Variants in STXBP5L observed in about 807,000 individuals in gnomAD.
STXBP5L encodes the protein syntaxin-binding protein 5-like.
In STXBP5L, 65 loss-of-function variants were observed where a neutral mutation model predicts 144.5. That is an observed-to-expected ratio of 0.45 (90% CI 0.37 to 0.55). The LOEUF (loss-of-function observed/expected upper bound fraction) is 0.55, where lower values mean the gene tolerates loss of function less well. Among genes scored for constraint, STXBP5L ranks in the 20% least tolerant of loss-of-function variants. The probability of loss-of-function intolerance (pLI) is 0.00; values close to 1 mark genes in which losing one functional copy is unlikely to be tolerated. For missense variants in STXBP5L, 1,298 were observed against 1,405.5 expected (o/e 0.92, Z 1.22); for synonymous variants, 505 against 469.6 (o/e 1.08, Z -0.97).
At chr3:121,297,619 T>C (rs529103813) in intron 19 of STXBP5L, among the ~76,000 whole-genome samples, 1 of 152,232 alleles carries the variant, frequency 6.6e-6, no homozygotes, top group East Asian at 1.9e-4. Flanking sequence ...CTGGGTGTGG[T>C]GGCTCATGCC....
At chr3:121,020,922 T>C (rs1471847638) in intron 3 of STXBP5L, among the ~76,000 whole-genome samples, 2 of 151,526 alleles carry the variant, frequency 1.3e-5, no homozygotes, top group African/African-American at 2.4e-5. Flanking sequence ...TATATCTCAA[T>C]GCTAACATTG....
At chr3:121,013,513 T>C (rs1259260033) in intron 3 of STXBP5L, among the ~76,000 whole-genome samples, 1 of 152,026 alleles carries the variant, frequency 6.6e-6, no homozygotes, top group African/African-American at 2.4e-5. Flanking sequence ...TGTCTGTTCA[T>C]GATCTTTGCC....
At chr3:121,117,246 G>A (rs2044271776) in intron 6 of STXBP5L, among the ~76,000 whole-genome samples, 1 of 151,812 alleles carries the variant, frequency 6.6e-6, no homozygotes, top group South Asian at 2.1e-4. Flanking sequence ...TTCAGCATTA[G>A]AATAGCATCT....
In STXBP5L at chr3:121,202,253, T is replaced by C. The variant is rs568747319; in HGVS notation, c.878-3670T>C. On this transcript the variant is annotated intron_variant, in intron 9 of 26. Coordinates refer to ENST00000471454, the MANE Select transcript of STXBP5L (RefSeq NM_001308330.2). ...CATTGATGTTTTTGCTTATCATTTT[T>C]GGTTTTCTTCATTTGTTGCTGTAGA... Among the ~76,000 whole-genome samples the C allele has an allele frequency of 7.2e-5, 11 of 152,312 alleles. No homozygotes were observed. The East Asian group carries it at 1.7e-3, about 24-fold the overall frequency.
In STXBP5L at chr3:121,358,242, C is replaced by T. The variant is rs189387536; in HGVS notation, c.2177-20474C>T. 4.6e-5 allele frequency among the ~76,000 whole-genome samples: 7 copies of T among 150,916 alleles called. No homozygotes were observed. The East Asian group carries it at 1.4e-3, about 30-fold the overall frequency. On this transcript the variant is annotated intron_variant, in intron 20 of 26. Coordinates refer to ENST00000471454, the MANE Select transcript of STXBP5L (RefSeq NM_001308330.2). The stretch of plus-strand genomic sequence containing the variant: ...TAATTTTTTCTACCCATTAACCATC[C>T]GCAACACCTCCCTAACCCCCCACTA...
At chr3:121,090,648 A>G (rs982478189) in intron 5 of STXBP5L, among the ~76,000 whole-genome samples, 3 of 152,102 alleles carry the variant, frequency 2.0e-5, no homozygotes, top group Admixed American at 6.6e-5. Flanking sequence ...TTGTCTAAAA[A>G]TTTTTGTACC....
At chr3:121,416,712 C>T (rs2047248013) in intron 25 of STXBP5L, among the ~76,000 whole-genome samples, 1 of 151,710 alleles carries the variant, frequency 6.6e-6, no homozygotes, top group Non-Finnish European at 1.5e-5. Context: ...GCTATGTTGG[C>T]TAGGTTGGTC....
At chr3:121,236,466 C>T (rs1028686425) in intron 12 of STXBP5L, among the ~76,000 whole-genome samples, 3 of 152,100 alleles carry the variant, frequency 2.0e-5, no homozygotes, top group South Asian at 2.1e-4. Context: ...CATCTCAGAA[C>T]GTGAAGGGAA....
At chr3:120,933,104 A>T (rs1366229257) in intron 2 of STXBP5L, among the ~76,000 whole-genome samples, 1 of 151,562 alleles carries the variant, frequency 6.6e-6, no homozygotes, top group Non-Finnish European at 1.5e-5. Context: ...TTAAATGACG[A>T]GTTAATGGGT....
At chr3:121,034,847 G>A (rs980854234) in intron 3 of STXBP5L, among the ~76,000 whole-genome samples, 1 of 152,072 alleles carries the variant, frequency 6.6e-6, no homozygotes, top group African/African-American at 2.4e-5. Context: ...CCAACAATGT[G>A]TAAGTGTTCC....
chr3:121,387,253 C>T lies in STXBP5L; in HGVS notation c.2587+5721C>T, dbSNP rs576752581. On this transcript the variant is annotated intron_variant, in intron 22 of 26. Coordinates refer to ENST00000471454, the MANE Select transcript of STXBP5L (RefSeq NM_001308330.2). ...CTTTGCCCACTTTTTGATGGGGTTG[C>T]TTGGTTTTTTAGTGTAAATTTGTTT... Among the ~76,000 whole-genome samples, 1,274 of 151,944 alleles carry T rather than the reference C, an allele frequency of 8.4e-3. 16 individuals are homozygous for T. The highest frequency in any genetic ancestry group is 0.029 in the African/African-American group (1,207 of 41,470).
At chr3:121,258,149 A>T (rs1335904407) in intron 17 of STXBP5L, among the ~76,000 whole-genome samples, 1 of 152,208 alleles carries the variant, frequency 6.6e-6, no homozygotes, top group Non-Finnish European at 1.5e-5. Context: ...ACCTAAAGTT[A>T]ACAAAGCCCA....
At chr3:121,036,770 T>C (rs1367535993) in intron 3 of STXBP5L, among the ~76,000 whole-genome samples, 1 of 108,946 alleles carries the variant, frequency 9.2e-6, no homozygotes, top group Non-Finnish European at 1.8e-5. Context: ...TTACATTGAT[T>C]GATTTTTTTT....
chr3:120,949,280 G>T (rs1711048722), intron 2 of STXBP5L, among the ~76,000 whole-genome samples: 1 of 149,362 alleles, frequency 6.7e-6, no homozygotes, highest in Non-Finnish European at 1.5e-5. Context: ...ATTTTTTGCT[G>T]ATTTGTTTGA....
At chr3:121,013,160 G>A (rs1944905610) in intron 3 of STXBP5L, among the ~76,000 whole-genome samples, 1 of 151,868 alleles carries the variant, frequency 6.6e-6, no homozygotes, top group Non-Finnish European at 1.5e-5. Context: ...ATAAACATAT[G>A]AGGCCAAATG....
chr3:121,201,290 A>G (rs180778123), intron 9 of STXBP5L, among the ~76,000 whole-genome samples: 2 of 151,790 alleles, frequency 1.3e-5, no homozygotes, highest in Admixed American at 6.6e-5. Flanking sequence ...TCCTTTTTTG[A>G]TCTTTGTTGG....
In STXBP5L at chr3:121,074,993, A is replaced by T. The variant is rs61800062; in HGVS notation, c.470+29458A>T. Among the ~76,000 whole-genome samples the T allele has an allele frequency of 3.3e-3, 506 of 152,304 alleles. 1 individual carries two copies. Among genetic ancestry groups the T allele is most frequent in the Non-Finnish European group, 5.1e-3 (344 of 68,020 alleles). ...CTTGAGTTACTCCTGAGTGCTCTGC[A>T]CCAGTATTGACCATAAAGTCCACTT... is the stretch of plus-strand genomic sequence containing the variant. On this transcript the variant is annotated intron_variant, in intron 5 of 26. Transcript: ENST00000471454.
At chr3:121,001,438 A>C (rs1246437372) in intron 3 of STXBP5L, among the ~76,000 whole-genome samples, 1 of 152,166 alleles carries the variant, frequency 6.6e-6, no homozygotes, top group African/African-American at 2.4e-5. Flanking sequence ...GACAGTCAAA[A>C]AATACCTAAG....
At chr3:121,335,271 A>G (rs1355418787) in intron 20 of STXBP5L, among the ~76,000 whole-genome samples, 2 of 152,142 alleles carry the variant, frequency 1.3e-5, no homozygotes, top group Non-Finnish European at 2.9e-5. Context: ...GATCTCTACA[A>G]TGAAATTACA....
Sources: allele counts gnomAD v4.1 joint callset (sites outside exome capture counted in the v4.1 genomes callset), GRCh38; gene constraint gnomAD v4.1.1; transcripts MANE v1.5; gene names NCBI Gene and HGNC (gene_info 2026-07-23, HGNC 2026-07-21).